Variants in C20orf173 observed in about 807,000 individuals in gnomAD.
C20orf173 encodes the protein chromosome 20 open reading frame 173, also known as uncharacterized protein C20orf173.
In C20orf173, 22 loss-of-function variants were observed where a neutral mutation model predicts 26.7. That is an observed-to-expected ratio of 0.82 (90% confidence interval 0.59 to 1.18). C20orf173 has a LOEUF of 1.18. C20orf173 is among the 50% of genes most tolerant of loss of function. C20orf173 has a pLI of 0.00. For missense variants in C20orf173, 210 were observed against 250.3 expected (o/e 0.84, Z 1.09); for synonymous variants, 85 against 96.4 (o/e 0.88, Z 0.69).
chr20:35,526,356 T>G (rs1369927814), downstream of C20orf173, among the ~76,000 whole-genome samples: 1 of 152,174 alleles, frequency 6.6e-6, no homozygotes, highest in Non-Finnish European at 1.5e-5. Flanking sequence ...CTAGGCACAG[T>G]GACTCACACC....
chr20:35,529,086 A>G lies in C20orf173; in HGVS notation c.288T>C (p.Ser96=). 3 of 1,551,366 alleles carry G rather than the reference A, an allele frequency of 1.9e-6. No homozygotes were observed. The highest frequency in any genetic ancestry group is 1.7e-6 in the Non-Finnish European group (2 of 1,146,712). Residue 96 remains serine (S), a synonymous_variant, in exon 2 of 6, where the codon TCT becomes TCC. Coordinates refer to ENST00000444723, the MANE Select transcript of C20orf173 (RefSeq NM_001145350.2). ...YLMRTRESMT[S]DTVLWWLGMN... Reference sequence around the variant, plus strand: ...TGACCAACCACCAGAGCACAGTGTCAGAGGTCATAGACTCTCTTGTCCTCA... The same window carrying G: ...TGACCAACCACCAGAGCACAGTGTCGGAGGTCATAGACTCTCTTGTCCTCA...
downstream of C20orf173, chr20:35,522,485 T>TGGGTACCGG (rs1356823128): frequency 3.3e-5 from 5 of 152,646 alleles, no homozygotes; most frequent in East Asian, 7.7e-4. Context: ...CAGCAGCAGT[T>TGGGTACCGG]GGGTACCGGG....
chr20:35,521,268 T>C (rs961876852), downstream of C20orf173: 13 of 152,632 alleles, frequency 8.5e-5, no homozygotes, highest in African/African-American at 2.4e-4. Context: ...AGGCTTCCTC[T>C]TGGAGCTGGG....
downstream of C20orf173, among the ~76,000 whole-genome samples, chr20:35,521,594 TC>T (rs1286942625): frequency 6.6e-6 from 1 of 150,432 alleles, no homozygotes; most frequent in Non-Finnish European, 1.5e-5. Flanking sequence ...TAACGGGAAG[TC>T]CTTGGGAAGA....
Position 35,529,337 on chromosome 20 carries a change from A to C in C20orf173, c.37T>G (p.Trp13Gly). ...GTCATCAGCCAGAGGATGAGCACCC[A>C]AAAGACCCACAGGACAAAAATCTGC... ...RWQIFVLWVF[W>G]VLILWLMTPY... The change falls in exon 2 of 6, where the codon TGG (tryptophan) becomes GGG (glycine). Residue 13 changes from tryptophan (W) to glycine (G), a missense_variant. Physicochemically the swap from Trp to Gly is radical, Grantham distance 184. Transcript: ENST00000444723. The C allele has an allele frequency of 6.5e-7, 1 of 1,549,030 alleles. No homozygotes were observed. Among genetic ancestry groups the C allele is most frequent in the Non-Finnish European group, 8.7e-7 (1 of 1,145,670 alleles).
At chr20:35,529,010 G>A (rs757898152) in intron 2 of C20orf173, 55 bp downstream of exon 2, 77 of 1,535,668 alleles carry the variant, frequency 5.0e-5, no homozygotes, top group Non-Finnish European at 6.3e-5. Context: ...AGTGGGAGAT[G>A]GGTGAGGCCC....
At chr20:35,524,699 ATT>A (rs11483123), downstream of C20orf173, among the ~76,000 whole-genome samples, 8 of 142,316 alleles carry the variant, frequency 5.6e-5, no homozygotes, top group Non-Finnish European at 7.7e-5. Flanking sequence ...GTTCATGATA[ATT>A]TTTTTTTTTT....
chr20:35,527,932 A>G (rs1159539997), intron 5 of C20orf173, among the ~76,000 whole-genome samples: 2 of 152,196 alleles, frequency 1.3e-5, no homozygotes, highest in Admixed American at 6.5e-5. Context: ...GGATACAGGC[A>G]TGAGCCACCA....
At chr20:35,525,641 G>A (rs1292803092), downstream of C20orf173, among the ~76,000 whole-genome samples, 2 of 152,216 alleles carry the variant, frequency 1.3e-5, no homozygotes, top group Non-Finnish European at 2.9e-5. Context: ...TGATGCCTCT[G>A]ATGCAGGGCA....
At position 35,528,442 on chromosome 20, in the gene C20orf173, C is replaced by T. The variant is rs1277571214; in HGVS notation, c.582+9G>A. On this transcript the variant is annotated intron_variant, in intron 4 of 5. Transcript: ENST00000444723. ...CCACACAGAGAATGTCTGGGGACAC[C>T]TCCATCACCTTATCACTTAGAGCAT... is the stretch of plus-strand genomic sequence containing the variant. The T allele has an allele frequency of 1.3e-6, 2 of 1,551,456 alleles. No individual in the cohort carries two copies. Among genetic ancestry groups the T allele is most frequent in the East Asian group, 2.4e-5 (1 of 40,918 alleles).
chr20:35,528,681 GC>G lies in C20orf173; in HGVS notation c.488+19del, dbSNP rs1291793656. On this transcript the variant is annotated intron_variant, in intron 3 of 5. Transcript: ENST00000444723. ...GGGCAGGCCTGGCCTTCCTGCTCCCGCCCTCTCCCCAGCACCCACCTGAAAA... is the reference window on the plus strand; with the variant it reads ...GGGCAGGCCTGGCCTTCCTGCTCCCGCCTCTCCCCAGCACCCACCTGAAAA... The G allele has an allele frequency of 6.5e-7, 1 of 1,528,060 alleles. No homozygotes were observed. The highest frequency in any genetic ancestry group is 8.8e-7 in the Non-Finnish European group (1 of 1,134,564). 94.7% of individuals were successfully genotyped at this position (1,528,060 alleles called of 1,614,324 possible).
At position 35,528,254 on chromosome 20, in the gene C20orf173, T is replaced by C; in HGVS notation, c.*4A>G. 6.4e-7 allele frequency: 1 copy of C among 1,551,950 alleles called. No homozygotes were observed. The highest frequency in any genetic ancestry group is 8.7e-7 in the Non-Finnish European group (1 of 1,147,062). On this transcript the variant is annotated 3_prime_UTR_variant, in exon 5 of 6. Transcript: ENST00000444723. ...TCACCGTGTCTTTGCTATCTTCCAC[T>C]CCACTAGGGAACCAGACCATCTTCC...
At chr20:35,525,388 C>T (rs138105994), downstream of C20orf173, among the ~76,000 whole-genome samples, 16,837 of 152,026 alleles carry the variant, frequency 0.11, 1,005 homozygotes, top group South Asian at 0.19. Context: ...CCAGTCTCTA[C>T]TAAAATACAA....
intron 1 of C20orf173, 56 bp downstream of exon 1, chr20:35,529,503 C>A: frequency 5.2e-6 from 4 of 769,566 alleles, no homozygotes; most frequent in Non-Finnish European, 8.2e-6. Context: ...CCCCATCCCA[C>A]CACCTTCCAC....
downstream of C20orf173, among the ~76,000 whole-genome samples, chr20:35,524,023 T>G (rs1021369418): frequency 1.3e-5 from 2 of 152,074 alleles, no homozygotes; most frequent in African/African-American, 4.8e-5. Flanking sequence ...TTAAGAACTG[T>G]TTTTTTGTGG....
intron 5 of C20orf173, 91 bp downstream of exon 5, chr20:35,528,142 C>T: frequency 9.2e-7 from 1 of 1,091,290 alleles, no homozygotes; most frequent in South Asian, 1.3e-5. Context: ...GTCCTGGTTG[C>T]ACCTGGGGAG....
downstream of C20orf173, chr20:35,520,790 A>G (rs913371812): frequency 3.3e-5 from 5 of 152,214 alleles, no homozygotes; most frequent in African/African-American, 1.2e-4. Context: ...AGAGAGTCAC[A>G]TGGTGATAAG....
downstream of C20orf173, among the ~76,000 whole-genome samples, chr20:35,521,328 T>C (rs1165823242): frequency 1.3e-5 from 2 of 152,078 alleles, no homozygotes; most frequent in Non-Finnish European, 2.9e-5. Flanking sequence ...TAAATACTCA[T>C]AGTGACCCCA....
downstream of C20orf173, among the ~76,000 whole-genome samples, chr20:35,521,755 T>C (rs777398521): frequency 6.6e-6 from 1 of 152,028 alleles, no homozygotes; most frequent in Non-Finnish European, 1.5e-5. Flanking sequence ...ATTACAGGCA[T>C]GCGCCACCAC....
Sources: gnomAD v4.1 joint callset for allele counts (sites outside exome capture counted in the v4.1 genomes callset) on GRCh38, gnomAD v4.1.1 for gene constraint, MANE v1.5 for transcripts, NCBI Gene and HGNC (gene_info 2026-07-23, HGNC 2026-07-21) for gene names.